SERPINB12: variants seen among roughly 807,000 people sequenced by gnomAD.
The protein encoded by SERPINB12 is serpin family B member 12.
In SERPINB12, 57 loss-of-function variants were observed where a neutral mutation model predicts 41.1. The observed-to-expected ratio is 1.39, with a 90% CI of 1.12 to 1.73. The LOEUF (loss-of-function observed/expected upper bound fraction) is 1.73. Ranked by LOEUF, SERPINB12 falls within the 40% of genes most tolerant of loss-of-function variation. SERPINB12 has a pLI of 0.00. For synonymous variants in SERPINB12, 180 were observed against 181.3 expected (o/e 0.99, Z 0.06); for missense variants, 536 against 501.9 (o/e 1.07, Z -0.65).
chr18:63,543,288 A>G (rs1318027272), intron 1 of SERPINB12, among the ~76,000 whole-genome samples: 1 of 152,216 alleles, frequency 6.6e-6, no homozygotes, highest in African/African-American at 2.4e-5. Context: ...GGACAATGGC[A>G]GTCCCCTTTA....
upstream of SERPINB12, among the ~76,000 whole-genome samples, chr18:63,539,068 A>C (rs1337733081): frequency 6.6e-6 from 1 of 152,094 alleles, no homozygotes; most frequent in Non-Finnish European, 1.5e-5. Context: ...GGGATGGCTG[A>C]GACCACCAAC....
chr18:63,542,160 A>G (rs1266727755), upstream of SERPINB12, among the ~76,000 whole-genome samples: 1 of 152,168 alleles, frequency 6.6e-6, no homozygotes, highest in Non-Finnish European at 1.5e-5. Flanking sequence ...TCTAACCCCT[A>G]ACCTGTGTTT....
chr18:63,535,507 G>A, the SERPINB12 span, among the ~76,000 whole-genome samples: 3 of 152,054 alleles, frequency 2.0e-5, no homozygotes, highest in Admixed American at 2.0e-4. Flanking sequence ...GCCCTTACCC[G>A]TCAAAATGTT....
At position 63,556,122 on chromosome 18, in the gene SERPINB12, T is replaced by C; in HGVS notation, c.-18-20T>C. Reference sequence around the variant, plus strand: ...TCTTCCAATCACCATTTTCTCTTTCTCCTTTTTTTTTGGTTTTAGATCGTT... The same window carrying C: ...TCTTCCAATCACCATTTTCTCTTTCCCCTTTTTTTTTGGTTTTAGATCGTT... On this transcript the variant is annotated intron_variant, in intron 1 of 7. Coordinates refer to ENST00000382768, the MANE Select transcript of SERPINB12 (RefSeq NM_001307928.2). 1 of 1,554,880 alleles carries C rather than the reference T, an allele frequency of 6.4e-7. No individual in the cohort carries two copies. The highest frequency in any genetic ancestry group is 8.8e-7 in the Non-Finnish European group (1 of 1,139,882).
chr18:63,528,933 G>T, the SERPINB12 span, among the ~76,000 whole-genome samples: 1 of 152,284 alleles, frequency 6.6e-6, no homozygotes. Flanking sequence ...AAAGGAGGGA[G>T]TGCAAGAATC....
chr18:63,522,136 A>C, the SERPINB12 span, among the ~76,000 whole-genome samples: 1 of 152,238 alleles, frequency 6.6e-6, no homozygotes, highest in African/African-American at 2.4e-5. Context: ...TCATTTACAT[A>C]GTGTGACAAG....
At chr18:63,553,551 A>G (rs1568126805) in intron 1 of SERPINB12, among the ~76,000 whole-genome samples, 1 of 151,926 alleles carries the variant, frequency 6.6e-6, no homozygotes, top group Non-Finnish European at 1.5e-5. Flanking sequence ...TTTCTAACCA[A>G]CCCCTTCTTT....
intron 2 of SERPINB12, among the ~76,000 whole-genome samples, chr18:63,556,880 A>G (rs1327115587): frequency 2.0e-5 from 3 of 152,152 alleles, no homozygotes; most frequent in East Asian, 3.8e-4. Context: ...AACCACAACC[A>G]TCTTTTCTCA....
Position 63,558,999 on chromosome 18 carries a change from C to T in SERPINB12, c.303+513C>T, listed in dbSNP as rs12956644. ...ATAGATGATTGTCTTTCTTTCTTTC[C>T]TTCCTTCTTTCTTTCTTTCTTTCTT... On this transcript the variant is annotated intron_variant, in intron 3 of 7. Transcript: ENST00000382768. Among the ~76,000 whole-genome samples, 730 of 114,250 alleles carry T rather than the reference C, an allele frequency of 6.4e-3. 9 individuals are homozygous for T. Among genetic ancestry groups the T allele is most frequent in the African/African-American group, 0.024 (670 of 27,350 alleles). 75.0% of individuals were successfully genotyped at this position (114,250 alleles called of 152,430 possible). A position where few individuals can be genotyped will look rare whatever the true frequency, so the allele number is the denominator to read the frequency against.
the SERPINB12 span, among the ~76,000 whole-genome samples, chr18:63,522,383 A>T: frequency 7.9e-5 from 12 of 152,194 alleles, no homozygotes; most frequent in Non-Finnish European, 1.3e-4. Flanking sequence ...TTTTGGAGGG[A>T]TCAATCAGCA....
rs534675601 is a variant in SERPINB12, at chr18:63,544,996, A to T, written c.-19+2504A>T. 3.3e-5 allele frequency among the ~76,000 whole-genome samples: 5 copies of T among 152,280 alleles called. No individual in the cohort carries two copies. In the South Asian group the frequency reaches 1.0e-3, roughly 32 times the overall value. On this transcript the variant is annotated intron_variant, in intron 1 of 7. Transcript: ENST00000382768. Reference sequence around the variant, plus strand: ...CTGCCTTTATCAGTAGGGGAATATTAATCATATCATTTTGCATCATAAACT... The same window carrying T: ...CTGCCTTTATCAGTAGGGGAATATTTATCATATCATTTTGCATCATAAACT...
chr18:63,560,802 G>A (rs772616746), intron 4 of SERPINB12, among the ~76,000 whole-genome samples: 1 of 152,042 alleles, frequency 6.6e-6, no homozygotes, highest in Non-Finnish European at 1.5e-5. Flanking sequence ...CTCCACAGAT[G>A]GTTTGTTGAA....
chr18:63,534,594 G>A, the SERPINB12 span, among the ~76,000 whole-genome samples: 3 of 152,126 alleles, frequency 2.0e-5, no homozygotes, highest in African/African-American at 2.4e-5. Flanking sequence ...GAAATAACCT[G>A]AAATTCACAA....
chr18:63,550,678 C>T (rs1401214114), intron 1 of SERPINB12, among the ~76,000 whole-genome samples: 3 of 152,270 alleles, frequency 2.0e-5, no homozygotes, highest in East Asian at 3.9e-4. Flanking sequence ...GAGGCCGGCT[C>T]ATACCAGCTC....
the SERPINB12 span, among the ~76,000 whole-genome samples, chr18:63,530,799 C>T: frequency 4.6e-5 from 7 of 152,088 alleles, no homozygotes; most frequent in South Asian, 2.1e-4. Context: ...TAATTACAAC[C>T]GTATCTTTAA....
At chr18:63,537,509 C>T (rs12232587), upstream of SERPINB12, among the ~76,000 whole-genome samples, 11 of 152,268 alleles carry the variant, frequency 7.2e-5, no homozygotes, top group East Asian at 1.5e-3. Flanking sequence ...CAGTTTTATG[C>T]TTGAAAGATA....
upstream of SERPINB12, among the ~76,000 whole-genome samples, chr18:63,540,215 C>A (rs774356673): frequency 2.0e-5 from 3 of 152,056 alleles, no homozygotes; most frequent in Non-Finnish European, 2.9e-5. Context: ...TCTTTCCTCT[C>A]CTGAAGAGAG....
intron 1 of SERPINB12, among the ~76,000 whole-genome samples, chr18:63,549,287 C>G (rs1000269678): frequency 1.3e-5 from 2 of 152,172 alleles, no homozygotes; most frequent in African/African-American, 2.4e-5. Flanking sequence ...TACTATTATT[C>G]TGCCATCTGT....
the SERPINB12 span, among the ~76,000 whole-genome samples, chr18:63,529,272 G>A: frequency 3.3e-5 from 5 of 152,178 alleles, no homozygotes; most frequent in Admixed American, 2.0e-4. Context: ...GTTATCTTTG[G>A]CTACAAGAAT....
Sources: gnomAD v4.1 joint callset for allele counts (sites outside exome capture counted in the v4.1 genomes callset) on GRCh38, gnomAD v4.1.1 for gene constraint, MANE v1.5 for transcripts, NCBI Gene and HGNC (gene_info 2026-07-23, HGNC 2026-07-21) for gene names.